The following BRINP3 variants were observed in gnomAD, a reference collection of about 807,000 sequenced individuals.
BRINP3 encodes BMP/retinoic acid-inducible neural-specific protein 3.
BRINP3 carries 19 observed loss-of-function variants against 71.0 expected under a neutral mutation model. The ratio of observed to expected loss-of-function variants is 0.27; its 90% CI spans 0.19 to 0.39. The LOEUF (loss-of-function observed/expected upper bound fraction) is 0.39. Among genes scored for constraint, BRINP3 ranks in the 10% least tolerant of loss-of-function variants. The probability of loss-of-function intolerance (pLI) is 1.00; values close to 1 mark genes in which losing one functional copy is unlikely to be tolerated. For missense variants in BRINP3, 959 were observed against 940.8 expected, an observed-to-expected ratio of 1.02 and a Z score of -0.25; for synonymous variants, 380 against 337.7, an observed-to-expected ratio of 1.13 and a Z score of -1.37.
intron 4 of BRINP3, 141 bp downstream of exon 4, chr1:190,264,724 C>T: frequency 1.6e-6 from 1 of 627,552 alleles, no homozygotes; most frequent in Non-Finnish European, 2.5e-6. Flanking sequence ...TATTACATAA[C>T]TGAAAGCAAG....
intron 7 of BRINP3, among the ~76,000 whole-genome samples, chr1:190,131,257 CAAAGT>C (rs1289773237): frequency 6.6e-6 from 1 of 151,378 alleles, no homozygotes; most frequent in Non-Finnish European, 1.5e-5. Flanking sequence ...AGCCTTCACT[CAAAGT>C]TAAGTGGATA....
intron 7 of BRINP3, among the ~76,000 whole-genome samples, chr1:190,111,825 C>T (rs752538408): frequency 1.3e-5 from 2 of 152,040 alleles, no homozygotes; most frequent in African/African-American, 2.4e-5. Context: ...CAATTTCTTC[C>T]TATATTAGAA....
At chr1:190,463,212 A>G (rs1676510611) in intron 1 of BRINP3, among the ~76,000 whole-genome samples, 1 of 151,840 alleles carries the variant, frequency 6.6e-6, no homozygotes, top group Non-Finnish European at 1.5e-5. Context: ...AAGACAATTC[A>G]ACACTTACAT....
intron 6 of BRINP3, among the ~76,000 whole-genome samples, chr1:190,165,458 T>TGTGTGTGTG (rs1306559925): frequency 5.6e-5 from 6 of 106,958 alleles, no homozygotes; most frequent in African/African-American, 2.3e-4. Flanking sequence ...TTTTTTTTTT[T>TGTGTGTGTG]TTTGTGTGTG....
rs576092854 is a variant in BRINP3 at position 190,408,610 on chromosome 1, G to A, written c.236+46045C>T. 1.2e-4 allele frequency among the ~76,000 whole-genome samples: 19 copies of A among 152,166 alleles called. No individual in the cohort carries two copies. In the South Asian group the frequency reaches 2.3e-3, roughly 18 times the overall value. On this transcript the variant is annotated intron_variant, in intron 2 of 7. Transcript: ENST00000367462. ...CAGCTGATTAATTTAAAACACATGGGTCAGTGAGGATGGTTTGTATACTTT... is the reference window on the plus strand; with the variant it reads ...CAGCTGATTAATTTAAAACACATGGATCAGTGAGGATGGTTTGTATACTTT...
At chr1:190,230,948 A>G (rs983669048) in intron 5 of BRINP3, among the ~76,000 whole-genome samples, 4 of 151,506 alleles carry the variant, frequency 2.6e-5, no homozygotes, top group African/African-American at 9.7e-5. Context: ...GTAAATATGT[A>G]TACATATATT....
chr1:190,398,901 C>T lies in BRINP3; in HGVS notation c.236+55754G>A, dbSNP rs537082596. The stretch of plus-strand genomic sequence containing the variant: ...TCACCTTTAAAACAATTTTAAGAAG[C>T]TTTTTTGATCCATCTCTTCCCAGTA... On this transcript the variant is annotated intron_variant, in intron 2 of 7. Coordinates refer to ENST00000367462, the MANE Select transcript of BRINP3 (RefSeq NM_199051.3). 6.3e-4 allele frequency among the ~76,000 whole-genome samples: 96 copies of T among 151,926 alleles called. 1 individual carries two copies. Among genetic ancestry groups the T allele is most frequent in the Non-Finnish European group, 1.3e-3 (85 of 67,886 alleles).
intron 2 of BRINP3, among the ~76,000 whole-genome samples, chr1:190,410,967 A>C (rs928038935): frequency 3.9e-5 from 6 of 152,254 alleles, no homozygotes; most frequent in Middle Eastern, 3.4e-3. Context: ...AGCTCATTTT[A>C]ATATTTCCTA....
rs1353675422 is a variant in BRINP3 at position 190,301,216 on chromosome 1, T to TACACACATAC, written c.237-19467_237-19466insGTATGTGTGT. On this transcript the variant is annotated intron_variant, in intron 2 of 7. Transcript: ENST00000367462. The stretch of plus-strand genomic sequence containing the variant: ...ATATATACACATACATATATATATA[T>TACACACATAC]ATATATATATATATATATACACACA... 3.0e-3 allele frequency among the ~76,000 whole-genome samples: 182 copies of TACACACATAC among 61,398 alleles called. 2 individuals carry two copies. The highest frequency in any genetic ancestry group is 5.4e-3 in the Non-Finnish European group (137 of 25,486). The allele number at this position is 61,398 out of a possible 152,430, so 40.3% of individuals were successfully genotyped here.
At chr1:190,186,802 T>C (rs1414776849) in intron 6 of BRINP3, among the ~76,000 whole-genome samples, 2 of 152,048 alleles carry the variant, frequency 1.3e-5, no homozygotes, top group African/African-American at 2.4e-5. Context: ...TAAAGTGGTA[T>C]GGTAAATAGA....
chr1:190,265,775 A>G (rs916760111), intron 3 of BRINP3, among the ~76,000 whole-genome samples: 2 of 152,062 alleles, frequency 1.3e-5, no homozygotes, highest in Non-Finnish European at 2.9e-5. Flanking sequence ...AATTTTTACC[A>G]TAGAATAGAA....
At chr1:190,193,914 G>A (rs939646428) in intron 6 of BRINP3, among the ~76,000 whole-genome samples, 1 of 152,022 alleles carries the variant, frequency 6.6e-6, no homozygotes, top group Non-Finnish European at 1.5e-5. Context: ...AACACAGATG[G>A]CCTAATAACA....
At chr1:190,390,554 C>T (rs1671187856) in intron 2 of BRINP3, among the ~76,000 whole-genome samples, 1 of 151,508 alleles carries the variant, frequency 6.6e-6, no homozygotes, top group Non-Finnish European at 1.5e-5. Context: ...AGCTAAAACC[C>T]TCAAGGAACA....
chr1:190,350,268 G>T (rs902997255), intron 2 of BRINP3, among the ~76,000 whole-genome samples: 10 of 152,076 alleles, frequency 6.6e-5, no homozygotes, highest in African/African-American at 2.4e-4. Context: ...TGTTCTGGAG[G>T]TAACAGGTCC....
chr1:190,439,748 T>C (rs1429557551), intron 2 of BRINP3, among the ~76,000 whole-genome samples: 1 of 151,948 alleles, frequency 6.6e-6, no homozygotes, highest in East Asian at 1.9e-4. Context: ...AGTAGAAAAT[T>C]TGAGTTTTTA....
chr1:190,463,133 G>A (rs1008464204), intron 1 of BRINP3, among the ~76,000 whole-genome samples: 2 of 151,716 alleles, frequency 1.3e-5, no homozygotes, highest in African/African-American at 4.8e-5. Flanking sequence ...CAGAAAAATT[G>A]TAAGATTAAT....
At chr1:190,286,219 T>G (rs1663416221) in intron 2 of BRINP3, among the ~76,000 whole-genome samples, 1 of 152,192 alleles carries the variant, frequency 6.6e-6, no homozygotes, top group South Asian at 2.1e-4. Flanking sequence ...TCATCTACTA[T>G]GTATGTCCAT....
intron 6 of BRINP3, among the ~76,000 whole-genome samples, chr1:190,186,591 A>G (rs1300553276): frequency 6.6e-6 from 1 of 152,160 alleles, no homozygotes; most frequent in African/African-American, 2.4e-5. Flanking sequence ...GTATTCATTC[A>G]TTCTGTTTCC....
intron 6 of BRINP3, among the ~76,000 whole-genome samples, chr1:190,201,754 A>G (rs2488480): frequency 0.044 from 6,654 of 152,022 alleles, 470 homozygotes; most frequent in African/African-American, 0.15. Context: ...TGCAAGCCTT[A>G]ATCAAGCCTT....
Sources: gnomAD v4.1 joint callset for allele counts (sites outside exome capture counted in the v4.1 genomes callset) on GRCh38, gnomAD v4.1.1 for gene constraint, MANE v1.5 for transcripts, NCBI Gene and HGNC (gene_info 2026-07-23, HGNC 2026-07-21) for gene names.